Variants in ITPKB observed in about 807,000 individuals in gnomAD.
ITPKB encodes IP3 3-kinase B.
ITPKB carries 13 observed loss-of-function variants against 69.4 expected under a neutral mutation model. The ratio of observed to expected loss-of-function variants is 0.19; its 90% confidence interval spans 0.12 to 0.30. The LOEUF (loss-of-function observed/expected upper bound fraction) is 0.30, where lower values mean the gene tolerates loss of function less well. Ranked by LOEUF, ITPKB falls within the 10% of genes least tolerant of loss-of-function variation. The probability of loss-of-function intolerance (pLI) is 1.00; values close to 1 mark genes in which losing one functional copy is unlikely to be tolerated. For synonymous variants in ITPKB, 584 were observed against 513.7 expected, an observed-to-expected ratio of 1.14 and a Z score of -1.85; for missense variants, 1,240 against 1,250.5, an observed-to-expected ratio of 0.99 and a Z score of 0.13.
chr1:226,688,161 G>A (rs1656258515), intron 2 of ITPKB, among the ~76,000 whole-genome samples: 1 of 152,182 alleles, frequency 6.6e-6, no homozygotes. Flanking sequence ...CAATGATTAA[G>A]CCCCTATGAA....
In ITPKB at chr1:226,663,720, C is replaced by T. The variant is rs146388637; in HGVS notation, c.1933-14949G>A. Among the ~76,000 whole-genome samples, 385 of 152,156 alleles carry T rather than the reference C, an allele frequency of 2.5e-3. 1 individual carries two copies. The highest frequency in any genetic ancestry group is 3.8e-3 in the Non-Finnish European group (259 of 68,008). On this transcript the variant is annotated intron_variant, in intron 2 of 7. Coordinates refer to ENST00000429204, the MANE Select transcript of ITPKB (RefSeq NM_002221.4). ...TTTTTTGGTAGAGATGGGGTTTTGC[C>T]GTGTTGCCCAGGCTGGTCTTGAAGT...
Position 226,634,796 on chromosome 1 carries a change from C to G in ITPKB, c.2716G>C (p.Glu906Gln). The stretch of plus-strand genomic sequence containing the variant: ...ACGTCATGCTGCAGGGTCTGGCCCT[C>G]AGGCAGGGGCGTGGTTTTCCCAAAG... ...IDFGKTTPLP[E>Q]GQTLQHDVPW... Residue 906 changes from glutamate to glutamine, a missense_variant, in exon 8 of 8, where the codon GAG becomes CAG. Glu to Gln is a conservative substitution (Grantham distance 29). Around this residue, in one of 2 missense-constraint regions of ITPKB, gnomAD observed 248 missense variants for 396.7 expected, o/e 0.63. Coordinates refer to ENST00000429204, the MANE Select transcript of ITPKB (RefSeq NM_002221.4). This position sits in a 1 kb window ranked among gnomAD's most constrained non-coding sequence, Gnocchi z 6.3. 1 of 1,603,382 alleles carries G rather than the reference C, an allele frequency of 6.2e-7. No individual in the cohort carries two copies. Among genetic ancestry groups the G allele is most frequent in the South Asian group, 1.1e-5 (1 of 90,852 alleles).
At chr1:226,699,746 A>T (rs1656588929) in intron 2 of ITPKB, among the ~76,000 whole-genome samples, 1 of 152,224 alleles carries the variant, frequency 6.6e-6, no homozygotes, top group Admixed American at 6.5e-5. Context: ...GAAAGAAAGA[A>T]AGAAAAAGAA....
chr1:226,650,321 A>G (rs574432612), intron 2 of ITPKB, among the ~76,000 whole-genome samples: 1 of 152,316 alleles, frequency 6.6e-6, no homozygotes, highest in Non-Finnish European at 1.5e-5. Flanking sequence ...CCCATCCCAG[A>G]AACTCTCACC....
chr1:226,711,167 C>T (rs562739198), intron 2 of ITPKB, among the ~76,000 whole-genome samples: 1 of 143,904 alleles, frequency 6.9e-6, no homozygotes, highest in Non-Finnish European at 1.5e-5. Context: ...CAATTGGGTG[C>T]TCATAAATAG....
chr1:226,688,891 C>T (rs995575457), intron 2 of ITPKB, among the ~76,000 whole-genome samples: 1 of 152,134 alleles, frequency 6.6e-6, no homozygotes, highest in African/African-American at 2.4e-5. Context: ...CTCCCATTAC[C>T]AACCACTCCA....
intron 2 of ITPKB, among the ~76,000 whole-genome samples, chr1:226,663,957 T>C (rs938932382): frequency 1.3e-5 from 2 of 152,176 alleles, no homozygotes; most frequent in African/African-American, 4.8e-5. Context: ...GCACCCCAGG[T>C]CCTTCCTGTC....
intron 4 of ITPKB, among the ~76,000 whole-genome samples, chr1:226,643,012 A>G (rs1365218546): frequency 2.6e-5 from 4 of 152,174 alleles, no homozygotes; most frequent in Non-Finnish European, 2.9e-5. Flanking sequence ...TCCCAGAGAC[A>G]TGCCTGGTGC....
Position 226,737,206 on chromosome 1 carries a change from T to G in ITPKB, c.253A>C (p.Ser85Arg). The G allele has an allele frequency of 6.3e-7, 1 of 1,583,006 alleles. No individual in the cohort carries two copies. Among genetic ancestry groups the G allele is most frequent in the Non-Finnish European group, 8.5e-7 (1 of 1,172,460 alleles). Reference protein sequence around the residue: ...WRSGRRRLNSSSGSGSGSSGS... With the variant: ...WRSGRRRLNSRSGSGSGSSGS... Reference sequence around the variant, plus strand: ...CTGCTGCCGCTGCCACTGCCGCTGCTACTATTCAGCCTGCGCCGGCCGCTC... The same window carrying G: ...CTGCTGCCGCTGCCACTGCCGCTGCGACTATTCAGCCTGCGCCGGCCGCTC... The change falls in exon 2 of 8, where the codon AGC (serine) becomes CGC (arginine). Residue 85 changes from serine to arginine, a missense_variant. Ser to Arg is a moderately radical substitution (Grantham distance 110). This residue lies in a region of ITPKB where 992 missense variants were observed against 853.8 expected (regional missense o/e 1.16). Coordinates refer to ENST00000429204, the MANE Select transcript of ITPKB (RefSeq NM_002221.4).
At chr1:226,635,845 G>A (rs913182340) in intron 7 of ITPKB, among the ~76,000 whole-genome samples, 6 of 152,250 alleles carry the variant, frequency 3.9e-5, no homozygotes, top group African/African-American at 1.2e-4. Context: ...GGAGCGAGGC[G>A]CTTTCCCAAA....
intron 2 of ITPKB, among the ~76,000 whole-genome samples, chr1:226,732,790 C>T (rs1489275278): frequency 1.3e-5 from 2 of 152,086 alleles, no homozygotes; most frequent in Admixed American, 6.6e-5. Flanking sequence ...TTGTTCAGAT[C>T]TCAGAGAACA....
At chr1:226,693,339 G>A (rs1656402700) in intron 2 of ITPKB, among the ~76,000 whole-genome samples, 3 of 152,148 alleles carry the variant, frequency 2.0e-5, no homozygotes, top group South Asian at 2.1e-4. Context: ...AACTGCTGTC[G>A]AGCGATGATG....
Position 226,729,352 on chromosome 1 carries a change from T to G in ITPKB, c.1932+6175A>C, listed in dbSNP as rs76140856. Among the ~76,000 whole-genome samples, 390 of 151,686 alleles carry G rather than the reference T, an allele frequency of 2.6e-3. 5 individuals are homozygous for G. Among genetic ancestry groups the G allele is most frequent in the Non-Finnish European group, 4.6e-3 (313 of 67,884 alleles). On this transcript the variant is annotated intron_variant, in intron 2 of 7. Transcript: ENST00000429204. ...CAAAAATTATCCGGGCATGGTGGCA[T>G]GCGCCTGTAGTCCCAGCTATTCGGA...
At chr1:226,711,153 C>T (rs189175848) in intron 2 of ITPKB, among the ~76,000 whole-genome samples, 15 of 151,664 alleles carry the variant, frequency 9.9e-5, no homozygotes, top group Middle Eastern at 3.4e-3. Context: ...TGAGGGTGCT[C>T]AGTCAATTGG....
At chr1:226,723,672 G>A (rs1657313012) in intron 2 of ITPKB, among the ~76,000 whole-genome samples, 1 of 152,128 alleles carries the variant, frequency 6.6e-6, no homozygotes. Context: ...AGAGGAACAA[G>A]GGGAAGGGAG....
chr1:226,684,416 G>A (rs144083719), intron 2 of ITPKB, among the ~76,000 whole-genome samples: 77 of 152,322 alleles, frequency 5.1e-4, no homozygotes, highest in African/African-American at 1.7e-3. Flanking sequence ...TGCATGGAAG[G>A]CCTGCATTTG....
At position 226,647,158 on chromosome 1, in the gene ITPKB, C is replaced by T. The variant is rs930669287; in HGVS notation, c.2246+9G>A. The T allele has an allele frequency of 3.1e-6, 5 of 1,613,554 alleles. No homozygotes were observed. The African/African-American group carries it at 6.7e-5, about 22-fold the overall frequency. On this transcript the variant is annotated intron_variant, in intron 4 of 7. Coordinates refer to ENST00000429204, the MANE Select transcript of ITPKB (RefSeq NM_002221.4). ...GGCAGGCATGTGGGCTGCGAGAAGC[C>T]TGGCTCACCTGATTCCCATCTTGCA... is the stretch of plus-strand genomic sequence containing the variant.
At chr1:226,697,696 G>A (rs1656526464) in intron 2 of ITPKB, among the ~76,000 whole-genome samples, 1 of 152,230 alleles carries the variant, frequency 6.6e-6, no homozygotes, top group Admixed American at 6.5e-5. Context: ...CTAGAGAAGG[G>A]AGGCGATTAG....
At chr1:226,685,780 T>A (rs1656194834) in intron 2 of ITPKB, among the ~76,000 whole-genome samples, 1 of 152,238 alleles carries the variant, frequency 6.6e-6, no homozygotes, top group South Asian at 2.1e-4. Flanking sequence ...AGTTAACTAA[T>A]TAAAAGCTCC....
Sources: allele counts gnomAD v4.1 joint callset (sites outside exome capture counted in the v4.1 genomes callset), GRCh38; gene constraint gnomAD v4.1.1; regional missense constraint gnomAD v4.1.1; non-coding constraint Gnocchi (gnomAD v3.1); transcripts MANE v1.5; gene names NCBI Gene and HGNC (gene_info 2026-07-23, HGNC 2026-07-21).